The following CTNNA2 variants were observed in gnomAD, a reference collection of about 807,000 sequenced individuals.
CTNNA2 encodes the protein catenin alpha-2.
Under a neutral mutation model 101.0 loss-of-function variants are expected in CTNNA2, and 42 were observed. That is an observed-to-expected ratio of 0.42 (90% CI 0.32 to 0.54). The LOEUF is 0.54. Among genes scored for constraint, CTNNA2 ranks in the 20% least tolerant of loss-of-function variants. The pLI, the probability that CTNNA2 is intolerant of heterozygous loss-of-function variation, is 0.14. For synonymous variants in CTNNA2, 450 were observed against 456.4 expected (o/e 0.99, Z 0.18); for missense variants, 871 against 1,223.1 (o/e 0.71, Z 4.29).
intron 4 of CTNNA2, among the ~76,000 whole-genome samples, chr2:79,388,121 C>CT (rs1678125369): frequency 6.6e-6 from 1 of 152,168 alleles, no homozygotes. Context: ...GATATTTCTG[C>CT]TAGATAATCT....
At chr2:79,241,398 G>A (rs964578387) in intron 2 of CTNNA2, among the ~76,000 whole-genome samples, 5 of 152,184 alleles carry the variant, frequency 3.3e-5, no homozygotes, top group African/African-American at 9.6e-5. Context: ...TACTGCAACA[G>A]TTAATTCACT....
intron 3 of CTNNA2, among the ~76,000 whole-genome samples, chr2:79,851,281 A>C (rs932517501): frequency 2.6e-5 from 4 of 152,212 alleles, no homozygotes; most frequent in Non-Finnish European, 4.4e-5. Flanking sequence ...AAATGAGCTG[A>C]CCAGACCTGT....
intron 7 of CTNNA2, among the ~76,000 whole-genome samples, chr2:80,342,606 G>A (rs1018051976): frequency 4.6e-5 from 7 of 151,968 alleles, no homozygotes; most frequent in Non-Finnish European, 8.8e-5. Context: ...AATGTTTCAT[G>A]CACTGAAATA....
intron 4 of CTNNA2, among the ~76,000 whole-genome samples, chr2:79,859,125 A>T (rs1429317276): frequency 6.6e-6 from 1 of 152,040 alleles, no homozygotes; most frequent in African/African-American, 2.4e-5. Flanking sequence ...GGGTACTTAG[A>T]TGATGAGATG....
chr2:80,049,302 A>C (rs1238984224), intron 7 of CTNNA2, among the ~76,000 whole-genome samples: 1 of 152,168 alleles, frequency 6.6e-6, no homozygotes, highest in East Asian at 1.9e-4. Context: ...CCCTGAAGTC[A>C]TCAGTTTAAC....
intron 2 of CTNNA2, among the ~76,000 whole-genome samples, chr2:79,236,185 T>C (rs1049708253): frequency 3.3e-5 from 5 of 152,282 alleles, no homozygotes; most frequent in African/African-American, 1.2e-4. Flanking sequence ...CAGTCTGGGG[T>C]ATAATGGTGC....
intron 7 of CTNNA2, among the ~76,000 whole-genome samples, chr2:79,956,843 G>GTTTTTTTTTTTTTTTTTTTTTTT (rs66471325): frequency 2.0e-5 from 2 of 98,908 alleles, no homozygotes; most frequent in African/African-American, 9.4e-5. Context: ...ATACGTGTGG[G>GTTTTTTTTTTTTTTTTTTTTTTT]TTTTTTTTTT....
At chr2:79,524,255 T>C (rs1314270540) in intron 1 of CTNNA2, among the ~76,000 whole-genome samples, 1 of 152,012 alleles carries the variant, frequency 6.6e-6, no homozygotes, top group Non-Finnish European at 1.5e-5. Context: ...TTCAGTAACA[T>C]AAATAGCCTT....
intron 7 of CTNNA2, among the ~76,000 whole-genome samples, chr2:80,056,604 C>T (rs1366980927): frequency 6.6e-6 from 1 of 152,214 alleles, no homozygotes; most frequent in Non-Finnish European, 1.5e-5. Context: ...ATATACTGTC[C>T]TCATTCCTTT....
At position 79,778,759 on chromosome 2, in the gene CTNNA2, C is replaced by A. The variant is rs532816906; in HGVS notation, c.298+34177C>A. Among the ~76,000 whole-genome samples the A allele has an allele frequency of 2.6e-5, 4 of 152,284 alleles. No individual in the cohort carries two copies. In the South Asian group the frequency reaches 8.3e-4, roughly 32 times the overall value. On this transcript the variant is annotated intron_variant, in intron 3 of 18. Coordinates refer to ENST00000402739, the MANE Select transcript of CTNNA2 (RefSeq NM_001282597.3). ...TTTCTCTCTCTCCTCTCTCTTCTCA[C>A]TGTGACATGTATCTCTTAGACAAGA...
At chr2:80,300,892 A>G (rs567497195) in intron 7 of CTNNA2, among the ~76,000 whole-genome samples, 2 of 151,890 alleles carry the variant, frequency 1.3e-5, no homozygotes, top group Non-Finnish European at 2.9e-5. Context: ...TGAAATCTCA[A>G]TGATGGACCT....
Position 80,616,041 on chromosome 2 carries a change from T to C in CTNNA2, c.2431-3044T>C, listed in dbSNP as rs527488712. On this transcript the variant is annotated intron_variant, in intron 17 of 18. Transcript: ENST00000402739. ...ATCATCAATACTGTATCTTGTTTTA[T>C]TAGTTTTCTCTGAACACCTTCATCT... Among the ~76,000 whole-genome samples the C allele has an allele frequency of 4.0e-5, 6 of 151,886 alleles. No individual in the cohort carries two copies. In the South Asian group the frequency reaches 1.2e-3, roughly 31 times the overall value.
intron 4 of CTNNA2, among the ~76,000 whole-genome samples, chr2:79,863,039 G>A (rs976114368): frequency 3.9e-5 from 6 of 152,040 alleles, no homozygotes; most frequent in Non-Finnish European, 8.8e-5. Context: ...CTGATAGGAG[G>A]CCTCATAGTC....
chr2:79,410,311 T>G (rs1356785822), intron 4 of CTNNA2, among the ~76,000 whole-genome samples: 2 of 143,044 alleles, frequency 1.4e-5, no homozygotes, highest in African/African-American at 2.6e-5. Context: ...CCTGCCTAAT[T>G]GCCCTGGCCA....
chr2:79,996,875 C>T (rs1454781869), intron 7 of CTNNA2, among the ~76,000 whole-genome samples: 1 of 152,036 alleles, frequency 6.6e-6, no homozygotes, highest in Non-Finnish European at 1.5e-5. Flanking sequence ...AAGACACTGG[C>T]CATATAGGCT....
Position 80,386,223 on chromosome 2 carries a change from CT to C in CTNNA2, c.1057-6986del, listed in dbSNP as rs1330521492. Among the ~76,000 whole-genome samples, 4 of 152,222 alleles carry C rather than the reference CT, an allele frequency of 2.6e-5. No individual in the cohort carries two copies. The East Asian group carries it at 7.7e-4, about 29-fold the overall frequency. On this transcript the variant is annotated intron_variant, in intron 7 of 18. Transcript: ENST00000402739. ...TCCCTTTTCACCTTTACCTCCTTCC[CT>C]TCCCCACCACCACCTCAGAGACCAA...
At chr2:79,319,607 A>G (rs1392354019) in intron 3 of CTNNA2, 1 of 152,114 alleles carries the variant, frequency 6.6e-6, no homozygotes, top group African/African-American at 2.4e-5. Flanking sequence ...TTAGGGAAGT[A>G]AGATAAATCA....
At chr2:79,718,670 C>T (rs911639384) in intron 2 of CTNNA2, among the ~76,000 whole-genome samples, 2 of 152,054 alleles carry the variant, frequency 1.3e-5, no homozygotes, top group Non-Finnish European at 2.9e-5. Context: ...AGATTAAGAC[C>T]GTATATACAC....
intron 2 of CTNNA2, among the ~76,000 whole-genome samples, chr2:79,715,640 C>G (rs1686044499): frequency 6.6e-6 from 1 of 152,130 alleles, no homozygotes; most frequent in African/African-American, 2.4e-5. Flanking sequence ...AGCTACATCT[C>G]TCCCACAAAA....
Sources: gnomAD v4.1 joint callset for allele counts (sites outside exome capture counted in the v4.1 genomes callset) on GRCh38, gnomAD v4.1.1 for gene constraint, MANE v1.5 for transcripts, NCBI Gene and HGNC (gene_info 2026-07-23, HGNC 2026-07-21) for gene names.